The following SLC8A1 variants were observed in gnomAD, a reference collection of about 807,000 sequenced individuals.
SLC8A1 encodes sodium/calcium exchanger 1.
Under a neutral mutation model 68.3 loss-of-function variants are expected in SLC8A1, and 18 were observed. That is an observed-to-expected ratio of 0.26 (90% CI 0.18 to 0.39). The LOEUF is 0.39. SLC8A1 is among the 10% of genes least tolerant of loss of function. SLC8A1 has a pLI of 1.00. For synonymous variants in SLC8A1, 475 were observed against 415.5 expected (o/e 1.14, Z -1.74); for missense variants, 985 against 1,156.7 (o/e 0.85, Z 2.15).
At chr2:40,284,454 T>C (rs1431113496) in intron 2 of SLC8A1, among the ~76,000 whole-genome samples, 1 of 147,042 alleles carries the variant, frequency 6.8e-6, no homozygotes, top group Non-Finnish European at 1.5e-5. Context: ...TAAATGTATA[T>C]CTATAGATAT....
chr2:40,256,537 G>A (rs557446543), intron 2 of SLC8A1, among the ~76,000 whole-genome samples: 2 of 152,174 alleles, frequency 1.3e-5, no homozygotes, highest in Admixed American at 6.5e-5. Flanking sequence ...TCTACTGGAC[G>A]CATTTAATGT....
intron 6 of SLC8A1, among the ~76,000 whole-genome samples, chr2:40,145,544 T>A (rs2042302236): frequency 6.6e-6 from 1 of 152,232 alleles, no homozygotes; most frequent in Non-Finnish European, 1.5e-5. Context: ...TATGACTTTT[T>A]TGCAACCTGA....
At chr2:40,494,958 T>C (rs1417961213) in intron 1 of SLC8A1, among the ~76,000 whole-genome samples, 1 of 151,592 alleles carries the variant, frequency 6.6e-6, no homozygotes, top group East Asian at 1.9e-4. Context: ...TTATCATAAA[T>C]TTACAAATGA....
At chr2:40,293,408 T>C (rs1020188835) in intron 2 of SLC8A1, among the ~76,000 whole-genome samples, 1 of 152,204 alleles carries the variant, frequency 6.6e-6, no homozygotes, top group Non-Finnish European at 1.5e-5. Context: ...AATAAAGTTG[T>C]ATATTGATGC....
At chr2:40,156,708 G>T (rs435981) in intron 6 of SLC8A1, among the ~76,000 whole-genome samples, 2 of 151,760 alleles carry the variant, frequency 1.3e-5, no homozygotes, top group Non-Finnish European at 1.5e-5. Flanking sequence ...TTCAAGCTGC[G>T]GCTCCAATAT....
chr2:40,462,611 C>G (rs909900071), intron 1 of SLC8A1, among the ~76,000 whole-genome samples: 4 of 151,372 alleles, frequency 2.6e-5, no homozygotes, highest in African/African-American at 7.3e-5. Flanking sequence ...AGTTCGAGAC[C>G]AGCCTGAGCA....
At chr2:40,277,792 GTGTATATATATATATATA>G (rs199824436) in intron 2 of SLC8A1, among the ~76,000 whole-genome samples, 17,937 of 92,154 alleles carry the variant, frequency 0.19, 1,521 homozygotes, top group East Asian at 0.52. Context: ...ATATATATGT[GTGTATATATATATATATA>G]TATATATATA....
chr2:40,178,344 C>CCAG, intron 2 of SLC8A1, 43 bp downstream of exon 3: 1 of 1,498,228 alleles, frequency 6.7e-7, no homozygotes, highest in Non-Finnish European at 9.3e-7. Flanking sequence ...GTGGCACAGG[C>CCAG]CAGCAGAAGC....
chr2:40,243,990 T>C (rs1450039463), intron 2 of SLC8A1, among the ~76,000 whole-genome samples: 1 of 152,042 alleles, frequency 6.6e-6, no homozygotes, highest in East Asian at 1.9e-4. Context: ...CATTTCTGAG[T>C]AATTACTGAG....
intron 2 of SLC8A1, among the ~76,000 whole-genome samples, chr2:40,340,723 T>C (rs1157504449): frequency 6.6e-6 from 1 of 152,182 alleles, no homozygotes; most frequent in Non-Finnish European, 1.5e-5. Context: ...TTCTTGAGAC[T>C]GGCCTGGGCG....
chr2:40,495,787 T>C (rs72953178), intron 1 of SLC8A1, among the ~76,000 whole-genome samples: 1,857 of 152,136 alleles, frequency 0.012, 42 homozygotes, highest in African/African-American at 0.042. Context: ...GGACTCAGGA[T>C]TCTGAGTACT....
At chr2:40,248,035 A>G (rs767806153) in intron 2 of SLC8A1, among the ~76,000 whole-genome samples, 23 of 152,110 alleles carry the variant, frequency 1.5e-4, no homozygotes, top group Non-Finnish European at 3.1e-4. Context: ...CTTAAAACAG[A>G]TTGCTTGATT....
chr2:40,230,663 T>C (rs753840199), intron 2 of SLC8A1, among the ~76,000 whole-genome samples: 5 of 152,224 alleles, frequency 3.3e-5, no homozygotes, highest in Non-Finnish European at 2.9e-5. Context: ...TTAGAATTAA[T>C]GAACATATAT....
chr2:40,367,669 A>G (rs1676695273), intron 2 of SLC8A1, among the ~76,000 whole-genome samples: 2 of 152,014 alleles, frequency 1.3e-5, no homozygotes, highest in Admixed American at 1.3e-4. Context: ...CAGACTGTCA[A>G]TGAAATCTGA....
intron 2 of SLC8A1, among the ~76,000 whole-genome samples, chr2:40,379,055 C>A (rs138258851): frequency 6.6e-6 from 1 of 152,058 alleles, no homozygotes; most frequent in Non-Finnish European, 1.5e-5. Flanking sequence ...ACTGTTTTAC[C>A]GCCAGTTTCC....
intron 2 of SLC8A1, among the ~76,000 whole-genome samples, chr2:40,418,272 A>G (rs1694464176): frequency 6.6e-6 from 1 of 152,172 alleles, no homozygotes; most frequent in Non-Finnish European, 1.5e-5. Context: ...ACTGTTTATT[A>G]CATTACATTA....
At chr2:40,307,701 G>A (rs62150809) in intron 2 of SLC8A1, among the ~76,000 whole-genome samples, 1 of 151,998 alleles carries the variant, frequency 6.6e-6, no homozygotes, top group East Asian at 1.9e-4. Flanking sequence ...CCAGAGGTGT[G>A]TCTGGTCAGT....
upstream of SLC8A1, among the ~76,000 whole-genome samples, chr2:40,454,364 C>T (rs539645894): frequency 6.6e-5 from 10 of 151,504 alleles, no homozygotes; most frequent in South Asian, 1.9e-3. Context: ...TATGACGGGC[C>T]GCTTAGTGAA....
intron 2 of SLC8A1, among the ~76,000 whole-genome samples, chr2:40,413,087 A>C (rs906539912): frequency 6.6e-6 from 1 of 152,160 alleles, no homozygotes; most frequent in African/African-American, 2.4e-5. Context: ...GCGATCATTA[A>C]AAAGTCAGGA....
Sources: allele counts gnomAD v4.1 joint callset (sites outside exome capture counted in the v4.1 genomes callset), GRCh38; gene constraint gnomAD v4.1.1; transcripts MANE v1.5; gene names NCBI Gene and HGNC (gene_info 2026-07-23, HGNC 2026-07-21).